Variants in ZHX2 observed in about 807,000 individuals in gnomAD.
ZHX2 encodes zinc fingers and homeoboxes protein 2.
In ZHX2, 6 loss-of-function variants were observed where a neutral mutation model predicts 21.9. The ratio of observed to expected loss-of-function variants is 0.27; its 90% CI spans 0.15 to 0.54. ZHX2 has a LOEUF of 0.54. Ranked by LOEUF, ZHX2 falls within the 20% of genes least tolerant of loss-of-function variation. The pLI, the probability that ZHX2 is intolerant of heterozygous loss-of-function variation, is 0.95. For missense variants in ZHX2, 908 were observed against 1,090.7 expected, an observed-to-expected ratio of 0.83 and a Z score of 2.36; for synonymous variants, 434 against 437.1, an observed-to-expected ratio of 0.99 and a Z score of 0.09.
intron 1 of ZHX2, among the ~76,000 whole-genome samples, chr8:122,813,206 A>G (rs991636246): frequency 1.1e-4 from 16 of 152,084 alleles, no homozygotes; most frequent in African/African-American, 1.9e-4. Context: ...CAAAAAAAAA[A>G]AAAAAAGAAA....
upstream of ZHX2, chr8:122,780,710 G>A (rs934500065): frequency 6.6e-6 from 1 of 152,232 alleles, no homozygotes; most frequent in African/African-American, 2.4e-5. Context: ...CGCGGTGAGA[G>A]CTCCGCTCCC....
At chr8:122,949,544 G>A (rs903742752) in intron 2 of ZHX2, among the ~76,000 whole-genome samples, 4 of 151,892 alleles carry the variant, frequency 2.6e-5, no homozygotes, top group African/African-American at 9.7e-5. Context: ...AAGCATACAA[G>A]CATATTAAAA....
chr8:122,838,224 G>T (rs999538638), intron 1 of ZHX2, among the ~76,000 whole-genome samples: 1 of 152,180 alleles, frequency 6.6e-6, no homozygotes, highest in Non-Finnish European at 1.5e-5. Flanking sequence ...GGGTGCCAGG[G>T]GCACTTCCTG....
At chr8:122,942,657 A>T (rs373166729) in intron 2 of ZHX2, among the ~76,000 whole-genome samples, 1 of 152,076 alleles carries the variant, frequency 6.6e-6, no homozygotes, top group African/African-American at 2.4e-5. Context: ...CACCTCCCCC[A>T]GATGCATCCC....
intron 1 of ZHX2, among the ~76,000 whole-genome samples, chr8:122,840,521 T>C (rs900331449): frequency 1.3e-5 from 2 of 152,206 alleles, no homozygotes; most frequent in Non-Finnish European, 2.9e-5. Context: ...TTACATTGCA[T>C]AGAAAAAGTG....
At chr8:122,940,230 T>G (rs991666276) in intron 2 of ZHX2, among the ~76,000 whole-genome samples, 1 of 152,202 alleles carries the variant, frequency 6.6e-6, no homozygotes, top group Non-Finnish European at 1.5e-5. Flanking sequence ...ACTGACCTGG[T>G]GAGCACTAAT....
chr8:122,822,963 C>G (rs1818187061), intron 1 of ZHX2, among the ~76,000 whole-genome samples: 1 of 152,332 alleles, frequency 6.6e-6, no homozygotes, highest in South Asian at 2.1e-4. Context: ...GTGAGAAAGT[C>G]CAGACAGCCT....
chr8:122,811,988 T>C (rs1817940761), intron 1 of ZHX2: 1 of 152,186 alleles, frequency 6.6e-6, no homozygotes, highest in Non-Finnish European at 1.5e-5. Context: ...ATTTTTGGAC[T>C]GAGGAGAGAC....
At chr8:122,886,652 T>C (rs1819848235) in intron 2 of ZHX2, among the ~76,000 whole-genome samples, 3 of 152,208 alleles carry the variant, frequency 2.0e-5, no homozygotes, top group Admixed American at 2.0e-4. Flanking sequence ...TCAAAGCGTA[T>C]TAATTTTTGT....
intron 2 of ZHX2, among the ~76,000 whole-genome samples, chr8:122,930,048 C>T (rs11785397): frequency 0.24 from 36,987 of 151,986 alleles, 4,654 homozygotes; most frequent in Middle Eastern, 0.33. Context: ...CAGCACAGAG[C>T]GGGTGTAATG....
At chr8:122,905,747 A>G (rs1820332143) in intron 2 of ZHX2, among the ~76,000 whole-genome samples, 1 of 152,238 alleles carries the variant, frequency 6.6e-6, no homozygotes, top group African/African-American at 2.4e-5. Flanking sequence ...ATGAGAGAAT[A>G]CAATATGTAG....
intron 2 of ZHX2, among the ~76,000 whole-genome samples, chr8:122,887,815 C>T (rs921781328): frequency 2.6e-5 from 4 of 151,992 alleles, no homozygotes; most frequent in Non-Finnish European, 4.4e-5. Context: ...GCTTCTCCCA[C>T]CCTCGCGCCG....
intron 2 of ZHX2, among the ~76,000 whole-genome samples, chr8:122,917,163 T>A (rs777036417): frequency 2.6e-5 from 4 of 151,534 alleles, no homozygotes; most frequent in African/African-American, 4.9e-5. Context: ...GTGCAGGAGG[T>A]TTTGTCTCCA....
chr8:122,867,752 C>T (rs1318843046), intron 2 of ZHX2, among the ~76,000 whole-genome samples: 3 of 152,170 alleles, frequency 2.0e-5, no homozygotes, highest in South Asian at 2.1e-4. Flanking sequence ...AGAGACGTAG[C>T]GTGCAAACTC....
chr8:122,960,760 A>G (rs929270026), intron 3 of ZHX2, among the ~76,000 whole-genome samples: 1 of 152,214 alleles, frequency 6.6e-6, no homozygotes, highest in Non-Finnish European at 1.5e-5. Context: ...CCAGAGCGTT[A>G]GGTGGACTCA....
intron 2 of ZHX2, among the ~76,000 whole-genome samples, chr8:122,905,987 T>C (rs548650938): frequency 1.6e-4 from 24 of 152,240 alleles, no homozygotes; most frequent in Middle Eastern, 3.2e-3. Flanking sequence ...CTTTATGCCA[T>C]GTAGTTTCCT....
At chr8:122,914,981 C>T (rs115930881) in intron 2 of ZHX2, among the ~76,000 whole-genome samples, 358 of 152,316 alleles carry the variant, frequency 2.4e-3, no homozygotes, top group African/African-American at 8.0e-3. Context: ...CGTCTAGTTC[C>T]TACAGCCATT....
chr8:122,842,817 A>G (rs1818668423), intron 1 of ZHX2, among the ~76,000 whole-genome samples: 1 of 152,224 alleles, frequency 6.6e-6, no homozygotes, highest in African/African-American at 2.4e-5. Context: ...AGAAGTTCTG[A>G]TGATCAGCCA....
chr8:122,864,478 A>C (rs1819238554), intron 2 of ZHX2, among the ~76,000 whole-genome samples: 1 of 152,124 alleles, frequency 6.6e-6, no homozygotes, highest in African/African-American at 2.4e-5. Context: ...CTCTCAAAGC[A>C]TAATGAGAGT....
Sources: allele counts gnomAD v4.1 joint callset (sites outside exome capture counted in the v4.1 genomes callset), GRCh38; gene constraint gnomAD v4.1.1; transcripts MANE v1.5; gene names NCBI Gene and HGNC (gene_info 2026-07-23, HGNC 2026-07-21).